CSGALNACT1: variants seen among roughly 807,000 people sequenced by gnomAD.
The protein encoded by CSGALNACT1 is chondroitin sulfate N-acetylgalactosaminyltransferase 1, also known as beta4GalNAcT-1.
CSGALNACT1 carries 52 observed loss-of-function variants against 51.0 expected under a neutral mutation model. The ratio of observed to expected loss-of-function variants is 1.02; its 90% CI spans 0.82 to 1.29. The LOEUF is 1.29. Ranked by LOEUF, CSGALNACT1 falls within the 50% of genes most tolerant of loss-of-function variation. The pLI is 0.00. For synonymous variants in CSGALNACT1, 341 were observed against 254.4 expected, an observed-to-expected ratio of 1.34 and a Z score of -3.24; for missense variants, 935 against 679.2, an observed-to-expected ratio of 1.38 and a Z score of -4.19.
At chr8:19,481,018 C>T (rs1306400439) in intron 4 of CSGALNACT1, among the ~76,000 whole-genome samples, 2 of 152,130 alleles carry the variant, frequency 1.3e-5, no homozygotes, top group African/African-American at 4.8e-5. Flanking sequence ...GGTCATCTGC[C>T]CGTCCAAGTG....
At chr8:19,595,470 A>G (rs1050847564) in intron 2 of CSGALNACT1, among the ~76,000 whole-genome samples, 5 of 152,218 alleles carry the variant, frequency 3.3e-5, no homozygotes, top group African/African-American at 7.2e-5. Flanking sequence ...GGTAAACACT[A>G]ATATTTCAAA....
chr8:19,529,555 T>C (rs760710059), intron 3 of CSGALNACT1, among the ~76,000 whole-genome samples: 1 of 152,170 alleles, frequency 6.6e-6, no homozygotes, highest in South Asian at 2.1e-4. Flanking sequence ...CCATTACTAA[T>C]AAATATCAGG....
intron 1 of CSGALNACT1, among the ~76,000 whole-genome samples, chr8:19,662,079 C>CCCCCCCCCCCCCCCCCA (rs2058804204): frequency 1.4e-5 from 1 of 71,306 alleles, no homozygotes; most frequent in African/African-American, 5.6e-5. Context: ...CCCCCACCCC[C>CCCCCCCCCCCCCCCCCA]CCCCCCCCCC....
intron 5 of CSGALNACT1, among the ~76,000 whole-genome samples, chr8:19,452,731 A>G (rs2063410274): frequency 6.6e-6 from 1 of 152,162 alleles, no homozygotes; most frequent in Non-Finnish European, 1.5e-5. Context: ...CTTGAAGGCC[A>G]TTATGAGAGC....
intron 4 of CSGALNACT1, among the ~76,000 whole-genome samples, chr8:19,485,447 C>G (rs146739086): frequency 6.6e-6 from 1 of 152,178 alleles, no homozygotes; most frequent in Non-Finnish European, 1.5e-5. Context: ...CCAAGGGATC[C>G]CCAGAGAAAC....
chr8:19,576,739 C>T (rs2044313242), intron 3 of CSGALNACT1, among the ~76,000 whole-genome samples: 2 of 152,012 alleles, frequency 1.3e-5, no homozygotes, highest in Admixed American at 1.3e-4. Flanking sequence ...TGCTGATTGC[C>T]CCATCAGTCT....
chr8:19,408,778 G>T (rs2054911066), intron 8 of CSGALNACT1, 84 bp from the exon 8 acceptor site: 2 of 1,192,130 alleles, frequency 1.7e-6, no homozygotes, highest in South Asian at 1.2e-5. Flanking sequence ...AGCCACCGTG[G>T]AGTGTGGAGC....
intron 1 of CSGALNACT1, among the ~76,000 whole-genome samples, chr8:19,634,783 C>A (rs193022354): frequency 1.3e-5 from 2 of 152,168 alleles, no homozygotes; most frequent in East Asian, 1.9e-4. Flanking sequence ...AGCAAAGTGG[C>A]GCACGCCTTC....
At chr8:19,728,337 A>T (rs369348570) in intron 1 of CSGALNACT1, among the ~76,000 whole-genome samples, 33 of 152,344 alleles carry the variant, frequency 2.2e-4, no homozygotes, top group African/African-American at 7.9e-4. Flanking sequence ...ACACATCTAC[A>T]GGTCAGCTCT....
chr8:19,636,725 A>G (rs1045510176), intron 1 of CSGALNACT1, among the ~76,000 whole-genome samples: 1 of 152,252 alleles, frequency 6.6e-6, no homozygotes, highest in Admixed American at 6.5e-5. Context: ...AGAATTCCCT[A>G]TTCAATCAAT....
intron 6 of CSGALNACT1, among the ~76,000 whole-genome samples, chr8:19,425,272 T>C (rs1214566327): frequency 6.6e-6 from 1 of 152,048 alleles, no homozygotes; most frequent in Admixed American, 6.6e-5. Flanking sequence ...ATCTGGGAAA[T>C]GGAGGTTGCT....
intron 3 of CSGALNACT1, among the ~76,000 whole-genome samples, chr8:19,530,736 G>A (rs2082611596): frequency 6.6e-6 from 1 of 152,030 alleles, no homozygotes; most frequent in East Asian, 1.9e-4. Context: ...ATCTCATAAA[G>A]GAATAGAAAA....
intron 1 of CSGALNACT1, among the ~76,000 whole-genome samples, chr8:19,734,743 G>A (rs1408505887): frequency 6.6e-6 from 1 of 152,096 alleles, no homozygotes; most frequent in Non-Finnish European, 1.5e-5. Context: ...CAGTAATATG[G>A]CAGACCGGAT....
intron 1 of CSGALNACT1, among the ~76,000 whole-genome samples, chr8:19,712,302 G>A (rs1181013485): frequency 6.6e-6 from 1 of 152,122 alleles, no homozygotes; most frequent in African/African-American, 2.4e-5. Context: ...TGGGATTACA[G>A]GCGTGAGCCA....
At chr8:19,533,083 C>A (rs2083087010) in intron 3 of CSGALNACT1, among the ~76,000 whole-genome samples, 2 of 152,032 alleles carry the variant, frequency 1.3e-5, no homozygotes, top group African/African-American at 2.4e-5. Flanking sequence ...TATATTCTAT[C>A]CTGTTTAGTC....
At chr8:19,611,619 T>C (rs1305191325) in intron 1 of CSGALNACT1, among the ~76,000 whole-genome samples, 5 of 152,228 alleles carry the variant, frequency 3.3e-5, no homozygotes, top group African/African-American at 1.2e-4. Flanking sequence ...CCAGGTGGTC[T>C]GAATGCAGAG....
intron 1 of CSGALNACT1, among the ~76,000 whole-genome samples, chr8:19,632,703 G>A (rs985248612): frequency 3.3e-5 from 5 of 152,018 alleles, no homozygotes; most frequent in African/African-American, 1.2e-4. Flanking sequence ...ACTCTCCCCA[G>A]GAAAGGAAAG....
intron 3 of CSGALNACT1, among the ~76,000 whole-genome samples, chr8:19,533,195 C>A (rs2083115899): frequency 6.6e-6 from 1 of 152,138 alleles, no homozygotes; most frequent in South Asian, 2.1e-4. Context: ...TAGCTCACCA[C>A]AGCCTCAAAC....
intron 3 of CSGALNACT1, among the ~76,000 whole-genome samples, chr8:19,535,266 G>A (rs2083518079): frequency 6.6e-6 from 1 of 152,116 alleles, no homozygotes; most frequent in African/African-American, 2.4e-5. Flanking sequence ...CTAGAAGCCT[G>A]AAAATTTCAG....
Sources: allele counts gnomAD v4.1 joint callset (sites outside exome capture counted in the v4.1 genomes callset), GRCh38; gene constraint gnomAD v4.1.1; transcripts MANE v1.5; gene names NCBI Gene and HGNC (gene_info 2026-07-23, HGNC 2026-07-21).